Variants in SEMA6D observed in about 807,000 individuals in gnomAD.
SEMA6D encodes semaphorin 6D.
In SEMA6D, 35 loss-of-function variants were observed where a neutral mutation model predicts 106.6. The observed-to-expected ratio is 0.33, with a 90% CI of 0.25 to 0.44. The LOEUF (loss-of-function observed/expected upper bound fraction) is 0.44, where lower values mean the gene tolerates loss of function less well. SEMA6D is among the 20% of genes least tolerant of loss of function. The pLI is 1.00. For synonymous variants in SEMA6D, 499 were observed against 487.7 expected (o/e 1.02, Z -0.31); for missense variants, 1,185 against 1,345.9 (o/e 0.88, Z 1.87).
intron 4 of SEMA6D, among the ~76,000 whole-genome samples, chr15:47,629,390 A>T (rs1299947225): frequency 6.6e-6 from 1 of 151,986 alleles, no homozygotes; most frequent in East Asian, 1.9e-4. Flanking sequence ...TACTATGCTG[A>T]GTCTTCCAAT....
At chr15:47,357,190 C>T (rs912791394) in intron 1 of SEMA6D, among the ~76,000 whole-genome samples, 21 of 151,760 alleles carry the variant, frequency 1.4e-4, no homozygotes, top group Non-Finnish European at 2.4e-4. Context: ...AAAAATTAGC[C>T]GGGCGAGGTG....
intron 3 of SEMA6D, among the ~76,000 whole-genome samples, chr15:47,532,886 T>C (rs16959669): frequency 0.13 from 19,179 of 152,164 alleles, 2,104 homozygotes; most frequent in African/African-American, 0.3. Context: ...TTGGCATGTG[T>C]ATAAAGAGAA....
chr15:47,387,444 A>G (rs1313390389), intron 1 of SEMA6D, among the ~76,000 whole-genome samples: 3 of 152,166 alleles, frequency 2.0e-5, no homozygotes, highest in African/African-American at 7.2e-5. Context: ...TAGTACCATA[A>G]ACTTTTTGAG....
chr15:47,190,274 A>G (rs976658574), intron 1 of SEMA6D, among the ~76,000 whole-genome samples: 4 of 152,224 alleles, frequency 2.6e-5, no homozygotes, highest in Admixed American at 6.5e-5. Flanking sequence ...TTTGAACTCC[A>G]AGATTTGGTA....
chr15:47,667,815 G>A (rs2078058114), intron 4 of SEMA6D, among the ~76,000 whole-genome samples: 1 of 152,292 alleles, frequency 6.6e-6, no homozygotes, highest in African/African-American at 2.4e-5. Context: ...TTGGGGGGAT[G>A]TAAACATTCA....
At chr15:47,690,693 A>G (rs1309280240) in intron 4 of SEMA6D, among the ~76,000 whole-genome samples, 3 of 152,122 alleles carry the variant, frequency 2.0e-5, no homozygotes, top group Non-Finnish European at 4.4e-5. Flanking sequence ...AGAGTCCCCA[A>G]CTTACACGCA....
chr15:47,488,516 T>C lies in SEMA6D; in HGVS notation c.-87+17971T>C, dbSNP rs1334546169. ...ATGAGATTCCATAGTACATAGTATG[T>C]ACTATGAGATATTTACTCCTCTTTT... On this transcript the variant is annotated intron_variant, in intron 3 of 19. Transcript: ENST00000558014. 2.0e-5 allele frequency among the ~76,000 whole-genome samples: 3 copies of C among 152,136 alleles called. No individual in the cohort carries two copies. The East Asian group carries it at 5.8e-4, about 29-fold the overall frequency.
At chr15:47,386,299 T>C (rs2039837766) in intron 1 of SEMA6D, among the ~76,000 whole-genome samples, 1 of 151,968 alleles carries the variant, frequency 6.6e-6, no homozygotes, top group African/African-American at 2.4e-5. Context: ...TATTGCACCA[T>C]GGGGAAGGTC....
chr15:47,415,027 G>C (rs1392860621), intron 2 of SEMA6D, among the ~76,000 whole-genome samples: 1 of 151,972 alleles, frequency 6.6e-6, no homozygotes, highest in Non-Finnish European at 1.5e-5. Flanking sequence ...ATACTTTTTG[G>C]GACTTCAAAT....
At chr15:47,384,664 G>T (rs965043881) in intron 1 of SEMA6D, among the ~76,000 whole-genome samples, 3 of 152,080 alleles carry the variant, frequency 2.0e-5, no homozygotes, top group African/African-American at 7.2e-5. Context: ...CTCCTTCTGT[G>T]TCCCCCACCC....
chr15:47,345,994 G>A (rs1171435962), intron 1 of SEMA6D, among the ~76,000 whole-genome samples: 1 of 152,030 alleles, frequency 6.6e-6, no homozygotes, highest in Non-Finnish European at 1.5e-5. Context: ...ACCTAAAACA[G>A]CTATTAAAAT....
chr15:47,481,256 C>T (rs79845900), intron 3 of SEMA6D, among the ~76,000 whole-genome samples: 5,298 of 152,128 alleles, frequency 0.035, 237 homozygotes, highest in African/African-American at 0.1. Flanking sequence ...CACAAACTCT[C>T]CCAGTTGCAG....
At chr15:47,420,699 A>G (rs1258156018) in intron 2 of SEMA6D, among the ~76,000 whole-genome samples, 3 of 152,134 alleles carry the variant, frequency 2.0e-5, no homozygotes, top group Non-Finnish European at 4.4e-5. Context: ...TAAAACCAAC[A>G]TCTTTTTGGG....
chr15:47,581,875 A>G (rs996601908), intron 3 of SEMA6D, among the ~76,000 whole-genome samples: 1 of 145,540 alleles, frequency 6.9e-6, no homozygotes, highest in Non-Finnish European at 1.5e-5. Flanking sequence ...GTCTCCAGCC[A>G]GAATCTAGGT....
intron 4 of SEMA6D, among the ~76,000 whole-genome samples, chr15:47,613,364 T>C (rs932694788): frequency 1.2e-4 from 18 of 152,220 alleles, no homozygotes; most frequent in Non-Finnish European, 2.6e-4. Flanking sequence ...AGCCCCTGTA[T>C]GCATCAATTT....
At chr15:47,302,659 C>T (rs187853737) in intron 1 of SEMA6D, among the ~76,000 whole-genome samples, 8 of 152,084 alleles carry the variant, frequency 5.3e-5, no homozygotes, top group African/African-American at 9.6e-5. Context: ...ACAGAAGCAA[C>T]GCTAGAGAGA....
chr15:47,367,663 A>T (rs1163952963), intron 1 of SEMA6D, among the ~76,000 whole-genome samples: 1 of 148,312 alleles, frequency 6.7e-6, no homozygotes, highest in African/African-American at 2.5e-5. Context: ...CCTTCCCCTA[A>T]ACACGCACGC....
intron 1 of SEMA6D, among the ~76,000 whole-genome samples, chr15:47,302,889 T>C (rs959651116): frequency 6.6e-6 from 1 of 152,182 alleles, no homozygotes; most frequent in African/African-American, 2.4e-5. Context: ...ATTGGTGTTT[T>C]AAGCCACTGA....
chr15:47,412,856 A>G (rs2040841871), intron 2 of SEMA6D, among the ~76,000 whole-genome samples: 3 of 152,202 alleles, frequency 2.0e-5, no homozygotes, highest in Non-Finnish European at 2.9e-5. Context: ...TCAATTCTGC[A>G]TGGGGCAGTC....
Sources: allele counts gnomAD v4.1 joint callset (sites outside exome capture counted in the v4.1 genomes callset), GRCh38; gene constraint gnomAD v4.1.1; transcripts MANE v1.5; gene names NCBI Gene and HGNC (gene_info 2026-07-23, HGNC 2026-07-21).